The following CSF2RA variants were observed in gnomAD, a reference collection of about 807,000 sequenced individuals.
CSF2RA encodes colony stimulating factor 2 receptor subunit alpha.
A neutral mutation model predicts 51.6 loss-of-function variants in CSF2RA; 42 were observed. The ratio of observed to expected loss-of-function variants is 0.81; its 90% CI spans 0.64 to 1.05. CSF2RA has a LOEUF of 1.05. CSF2RA is among the 50% of genes least tolerant of loss of function. The pLI, the probability that CSF2RA is intolerant of heterozygous loss-of-function variation, is 0.00. For synonymous variants in CSF2RA, 222 were observed against 193.0 expected, an observed-to-expected ratio of 1.15 and a Z score of -1.24; for missense variants, 530 against 501.1, an observed-to-expected ratio of 1.06 and a Z score of -0.55.
chrX:1,314,490 C>G (rs1386559103), downstream of CSF2RA, among the ~76,000 whole-genome samples: 2,682 of 113,256 alleles, frequency 0.024, 85 homozygotes, highest in Non-Finnish European at 0.034. Flanking sequence ...CTACCCAACC[C>G]CACTGTGCCT....
chrX:1,307,380 C>G (rs1466530159), intron 12 of CSF2RA, among the ~76,000 whole-genome samples: 1 of 141,592 alleles, frequency 7.1e-6, no homozygotes, highest in Non-Finnish European at 1.5e-5. Context: ...TTAGATGAGG[C>G]CCACCATTCC....
the CSF2RA span, among the ~76,000 whole-genome samples, chrX:1,322,444 T>TG: frequency 0.022 from 1,929 of 88,938 alleles, 49 homozygotes; most frequent in African/African-American, 0.066. Context: ...TGTTTGTTTT[T>TG]TTTTTTTTTT....
chrX:1,285,969 C>G lies in CSF2RA; in HGVS notation c.219+49C>G, dbSNP rs2090599671. On this transcript the variant is annotated intron_variant, in intron 4 of 12. Transcript: ENST00000381529. ...ACCCCTGTCCTTTACACACCCCTTT[C>G]TGAGTTAAAAGCAACAGGGCCGGCT... 10 of 1,612,872 alleles carry G rather than the reference C, an allele frequency of 6.2e-6. 1 individual carries two copies. The highest frequency in any genetic ancestry group is 8.5e-6 in the Non-Finnish European group (10 of 1,179,100).
chrX:1,284,190 T>TCA (rs2090364837), intron 3 of CSF2RA, among the ~76,000 whole-genome samples: 1 of 117,938 alleles, frequency 8.5e-6, no homozygotes, highest in Admixed American at 9.5e-5. Context: ...TCTTTCTCTG[T>TCA]CTCTCTTTTT....
intron 9 of CSF2RA, 126 bp from the exon 10 acceptor site, chrX:1,300,365 G>GAA: frequency 8.1e-7 from 1 of 1,235,612 alleles, no homozygotes; most frequent in Non-Finnish European, 1.2e-6. Context: ...CAGAGTGGTA[G>GAA]AAAAAAAAGA....
At position 1,309,859 on chromosome X, in the gene CSF2RA, A is replaced by T; in HGVS notation, c.*380A>T. 3.4e-6 allele frequency: 2 copies of T among 594,630 alleles called. No individual in the cohort carries two copies. The highest frequency in any genetic ancestry group is 6.0e-6 in the Non-Finnish European group (2 of 334,784). The allele number at this position is 594,630 out of a possible 1,614,324, so 36.8% of individuals were successfully genotyped here. A position where few individuals can be genotyped will look rare whatever the true frequency, so the allele number is the denominator to read the frequency against. ...GCCAAGATCGCACCATTGCACACCA[A>T]CCTGCGTGACAGAGCAAGATTGCAT... On this transcript the variant is annotated 3_prime_UTR_variant, in exon 13 of 13. Coordinates refer to ENST00000381529, the MANE Select transcript of CSF2RA (RefSeq NM_172245.4).
Position 1,294,784 on chromosome X carries a change from C to G in CSF2RA, c.780+323C>G, listed in dbSNP as rs28602228. On this transcript the variant is annotated intron_variant, in intron 8 of 12. Coordinates refer to ENST00000381529, the MANE Select transcript of CSF2RA (RefSeq NM_172245.4). Reference sequence around the variant, plus strand: ...CACCTCCAGCTGGACGCAGTGTAGACAGAAGGAGACCCTGCCCCATGTCTA... The same window carrying G: ...CACCTCCAGCTGGACGCAGTGTAGAGAGAAGGAGACCCTGCCCCATGTCTA... Among the ~76,000 whole-genome samples, 48,418 of 128,060 alleles carry G rather than the reference C, an allele frequency of 0.38. 8,294 individuals are homozygous for G. Among genetic ancestry groups the G allele is most frequent in the Non-Finnish European group, 0.44 (26,954 of 61,742 alleles). 84.0% of individuals were successfully genotyped at this position (128,060 alleles called of 152,430 possible).
At chrX:1,308,732 C>A (rs1405282685) in intron 12 of CSF2RA, among the ~76,000 whole-genome samples, 1 of 152,176 alleles carries the variant, frequency 6.6e-6, no homozygotes, top group Admixed American at 6.6e-5. Flanking sequence ...TTTCCACTGA[C>A]CCCCAGGGGT....
At chrX:1,296,061 T>A (rs777591913) in intron 9 of CSF2RA, among the ~76,000 whole-genome samples, 1 of 146,874 alleles carries the variant, frequency 6.8e-6, no homozygotes, top group Non-Finnish European at 1.5e-5. Flanking sequence ...AACCATACAG[T>A]CCCCTACCCA....
Position 1,283,473 on chromosome X carries a change from CCT to C in CSF2RA, c.76+707_76+708del, listed in dbSNP as rs369929534. ...CTTTCCTTCCTTCCCTCCCTCCCTC[CCT>C]CTCTCTCTCTCTTTCTTTCTTTCTT... On this transcript the variant is annotated intron_variant, in intron 3 of 12. Transcript: ENST00000381529. 4.1e-3 allele frequency among the ~76,000 whole-genome samples: 594 copies of C among 143,244 alleles called. 5 individuals carry two copies. The highest frequency in any genetic ancestry group is 0.014 in the African/African-American group (548 of 39,080). 94.0% of individuals were successfully genotyped at this position (143,244 alleles called of 152,430 possible).
At chrX:1,300,669 G>T in intron 10 of CSF2RA, 43 bp downstream of exon 10, 2 of 1,613,710 alleles carry the variant, frequency 1.2e-6, no homozygotes, top group Non-Finnish European at 1.7e-6. Flanking sequence ...GCCGTCTGCG[G>T]CCACCCTGCA....
intron 7 of CSF2RA, among the ~76,000 whole-genome samples, chrX:1,291,161 A>G (rs1240721335): frequency 6.6e-6 from 1 of 152,010 alleles, no homozygotes; most frequent in African/African-American, 2.4e-5. Flanking sequence ...ACCTCAGATG[A>G]TCCACCTGCC....
At chrX:1,280,174 C>G (rs1215764729) in intron 2 of CSF2RA, among the ~76,000 whole-genome samples, 3 of 151,968 alleles carry the variant, frequency 2.0e-5, no homozygotes, top group East Asian at 1.9e-4. Context: ...GATGCTTGAA[C>G]TAAAGATGCT....
intron 12 of CSF2RA, 51 bp from the exon 13 acceptor site, chrX:1,309,351 C>G (rs1458007770): frequency 5.8e-6 from 9 of 1,558,292 alleles, no homozygotes; most frequent in Non-Finnish European, 8.0e-6. Context: ...CCCACTGAGT[C>G]CCAGGCTGAG....
intron 6 of CSF2RA, among the ~76,000 whole-genome samples, chrX:1,289,966 T>C (rs1259822408): frequency 6.6e-6 from 1 of 151,614 alleles, no homozygotes; most frequent in Admixed American, 6.6e-5. Context: ...TGTGTTTGTT[T>C]TTGTTTTGTT....
rs1242746651 is a variant in CSF2RA, at chrX:1,301,346, AAAAAAAAAG to A, written c.946+726_946+734del. Among the ~76,000 whole-genome samples the A allele has an allele frequency of 1.9e-3, 280 of 149,466 alleles. 1 individual carries two copies. The highest frequency in any genetic ancestry group is 6.7e-3 in the African/African-American group (273 of 40,582). ...GACTCTGTCTCAAAAAAAAAAAAAA[AAAAAAAAAG>A]AAAAAGTAGAAGGAGGTGGTCTCAT... On this transcript the variant is annotated intron_variant, in intron 10 of 12. Coordinates refer to ENST00000381529, the MANE Select transcript of CSF2RA (RefSeq NM_172245.4).
chrX:1,286,005 G>T (rs1301985278), intron 4 of CSF2RA, 85 bp downstream of exon 4: 37 of 1,561,476 alleles, frequency 2.4e-5, no homozygotes, highest in Non-Finnish European at 2.6e-5. Flanking sequence ...GGGCGCGGCG[G>T]CTCACGCCTG....
rs1457285917 is a variant in CSF2RA at position 1,285,862 on chromosome X, A to G, written c.161A>G (p.Asn54Ser). Residue 54 changes from asparagine (N) to serine (S), a missense_variant, in exon 4 of 13, where the codon AAC (asparagine) becomes AGC (serine). Physicochemically the swap from Asn to Ser is conservative, Grantham distance 46. Transcript: ENST00000381529. ...AATTTAAGCTGGGACTGCCAAGAAA[A>G]CACAACCTTCAGCAAGTGTTTCTTA... ...TMNLSWDCQE[N>S]TTFSKCFLTD... 3.1e-6 allele frequency: 5 copies of G among 1,613,896 alleles called. No homozygotes were observed. Among genetic ancestry groups the G allele is most frequent in the Admixed American group, 3.3e-5 (2 of 59,982 alleles).
intron 7 of CSF2RA, 55 bp downstream of exon 7, chrX:1,290,564 T>C: frequency 2.5e-6 from 4 of 1,582,496 alleles, no homozygotes; most frequent in Non-Finnish European, 3.5e-6. Context: ...GGAATTTGCC[T>C]TAAAATCTGT....
Sources: gnomAD v4.1 joint callset for allele counts (sites outside exome capture counted in the v4.1 genomes callset) on GRCh38, gnomAD v4.1.1 for gene constraint, MANE v1.5 for transcripts, NCBI Gene and HGNC (gene_info 2026-07-23, HGNC 2026-07-21) for gene names.